Variants in ATP11C observed in about 807,000 individuals in gnomAD.
The protein encoded by ATP11C is phospholipid-transporting ATPase IG.
ATP11C carries 36 observed loss-of-function variants against 97.4 expected under a neutral mutation model. That is an observed-to-expected ratio of 0.37 (90% confidence interval 0.28 to 0.49). The LOEUF (loss-of-function observed/expected upper bound fraction) is 0.49, where lower values mean the gene tolerates loss of function less well. Among genes scored for constraint, ATP11C ranks in the 20% least tolerant of loss-of-function variants. ATP11C has a pLI of 0.98. For synonymous variants in ATP11C, 275 were observed against 290.9 expected (o/e 0.95, Z 0.56); for missense variants, 730 against 824.6 (o/e 0.89, Z 1.40).
intron 8 of ATP11C, 41 bp downstream of exon 8, chrX:139,800,019 C>A (rs751233056): frequency 1.7e-5 from 9 of 527,063 alleles, no homozygotes; most frequent in South Asian, 1.3e-4. Flanking sequence ...ATAGACCCCC[C>A]CCCCCAACCA....
chrX:139,854,377 A>C (rs2084055183), intron 1 of ATP11C, among the ~76,000 whole-genome samples: 1 of 112,426 alleles, frequency 8.9e-6, no homozygotes, highest in African/African-American at 3.2e-5. Flanking sequence ...CCTAACTTCT[A>C]ATCTTATGGC....
chrX:139,822,737 C>T lies in ATP11C; in HGVS notation c.148-3310G>A, dbSNP rs928976408. On this transcript the variant is annotated intron_variant, in intron 2 of 29. Transcript: ENST00000682941. ...CCAATTTTTGTATTTTTTGTAGATA[C>T]GGGGTCTCCCTTTGAACCATCTCCG... Among the ~76,000 whole-genome samples, 5 of 107,571 alleles carry T rather than the reference C, an allele frequency of 4.6e-5. No individual in the cohort carries two copies. In the South Asian group the frequency reaches 1.8e-3, roughly 38 times the overall value. 93.4% of individuals were successfully genotyped at this position (107,571 alleles called of 115,157 possible). A position where few individuals can be genotyped will look rare whatever the true frequency, so the allele number is the denominator to read the frequency against.
chrX:139,923,599 C>T (rs750897787), intron 1 of ATP11C, among the ~76,000 whole-genome samples: 1 of 112,181 alleles, frequency 8.9e-6, no homozygotes, highest in Non-Finnish European at 1.9e-5. Context: ...CTATAGATCC[C>T]TTAATCCTTA....
At chrX:139,846,458 T>A (rs1232487934) in intron 1 of ATP11C, among the ~76,000 whole-genome samples, 1 of 112,006 alleles carries the variant, frequency 8.9e-6, no homozygotes, top group African/African-American at 3.2e-5. Context: ...GTCCATAGCA[T>A]TAAGTATGCA....
chrX:139,792,809 A>G (rs147625192), intron 12 of ATP11C, among the ~76,000 whole-genome samples: 2 of 112,337 alleles, frequency 1.8e-5, no homozygotes, highest in Admixed American at 1.9e-4. Context: ...TCCCCTATAT[A>G]TCGTCCCACA....
At chrX:139,859,308 T>C in intron 1 of ATP11C, among the ~76,000 whole-genome samples, 1 of 111,563 alleles carries the variant, frequency 9.0e-6, no homozygotes, top group Middle Eastern at 4.6e-3. Flanking sequence ...AATAATTTAT[T>C]CCATATTTTC....
At chrX:139,882,362 G>C (rs2084574566) in intron 1 of ATP11C, among the ~76,000 whole-genome samples, 1 of 111,494 alleles carries the variant, frequency 9.0e-6, no homozygotes, top group South Asian at 3.8e-4. Flanking sequence ...TGGTAGCCAA[G>C]AAGAGGCCAA....
intron 1 of ATP11C, among the ~76,000 whole-genome samples, chrX:139,838,343 A>T (rs2083777862): frequency 9.0e-6 from 1 of 111,584 alleles, no homozygotes; most frequent in South Asian, 3.8e-4. Flanking sequence ...CCAAGGAATG[A>T]AATATTCACT....
At chrX:139,924,112 C>A (rs139318512) in intron 1 of ATP11C, 1 of 381,030 alleles carries the variant, frequency 2.6e-6, no homozygotes, top group Non-Finnish European at 5.3e-6. Flanking sequence ...AACAAAAGTC[C>A]AAAAGTCAGG....
At chrX:139,807,295 C>T (rs1228940168) in intron 5 of ATP11C, among the ~76,000 whole-genome samples, 1 of 111,026 alleles carries the variant, frequency 9.0e-6, no homozygotes, top group Non-Finnish European at 1.9e-5. Context: ...CTCTCCGGCA[C>T]ACCAGGCCCC....
intron 5 of ATP11C, among the ~76,000 whole-genome samples, chrX:139,804,956 C>A (rs1333321042): frequency 3.6e-5 from 4 of 111,841 alleles, no homozygotes; most frequent in Non-Finnish European, 5.6e-5. Context: ...ACAAACTGGG[C>A]ACTTCATGAA....
At chrX:139,851,078 A>G (rs917056305) in intron 1 of ATP11C, among the ~76,000 whole-genome samples, 11 of 111,664 alleles carry the variant, frequency 9.9e-5, no homozygotes, top group African/African-American at 3.3e-4. Context: ...AAGACAATGG[A>G]GGAAGACCCC....
rs191063837 is a variant in ATP11C at position 139,797,126 on chromosome X, T to C, written c.1008+50A>G. 2.6e-4 allele frequency: 300 copies of C among 1,145,873 alleles called. 1 individual carries two copies. In the African/African-American group the frequency reaches 4.0e-3, roughly 15 times the overall value. The allele number at this position is 1,145,873 out of a possible 1,213,427, so 94.4% of individuals were successfully genotyped here. On this transcript the variant is annotated intron_variant, in intron 11 of 29. Transcript: ENST00000682941. ...TCCCTGAGCAGCATTTCAGTGAAGGTTGGCTCAGTCACAAAAAATAGTTTC... is the reference window on the plus strand; with the variant it reads ...TCCCTGAGCAGCATTTCAGTGAAGGCTGGCTCAGTCACAAAAAATAGTTTC...
At chrX:139,734,773 G>A (rs752684374) in intron 28 of ATP11C, among the ~76,000 whole-genome samples, 1 of 110,943 alleles carries the variant, frequency 9.0e-6, no homozygotes, top group Admixed American at 9.6e-5. Context: ...CCTTAATAAC[G>A]GAACTTTGGG....
At chrX:139,736,359 T>C (rs1257237417) in intron 28 of ATP11C, among the ~76,000 whole-genome samples, 1 of 111,526 alleles carries the variant, frequency 9.0e-6, no homozygotes, top group East Asian at 2.8e-4. Flanking sequence ...CTTTAGACCA[T>C]GTAGCTGGGT....
At chrX:139,776,504 G>A (rs1349037510) in intron 18 of ATP11C, among the ~76,000 whole-genome samples, 1 of 111,783 alleles carries the variant, frequency 8.9e-6, no homozygotes, top group African/African-American at 3.3e-5. Flanking sequence ...TGAAGATTGT[G>A]AGCCCTACGA....
At chrX:139,872,469 G>A (rs1054458504) in intron 1 of ATP11C, among the ~76,000 whole-genome samples, 2 of 109,917 alleles carry the variant, frequency 1.8e-5, no homozygotes, top group Non-Finnish European at 3.8e-5. Context: ...CCCTTAACTC[G>A]TCATTTACAT....
At chrX:139,852,450 TGCGGGGGGGGGGGGGGGGGG>T (rs2084008397) in intron 1 of ATP11C, among the ~76,000 whole-genome samples, 1 of 1,068 alleles carries the variant, frequency 9.4e-4, no homozygotes, top group Non-Finnish European at 2.5e-3. Flanking sequence ...CTCTCAGCAA[TGCGGGGGGGGGGGGGGGGGG>T]GGGGGGGGGG....
chrX:139,898,422 G>A (rs186205708), intron 1 of ATP11C, among the ~76,000 whole-genome samples: 1 of 111,676 alleles, frequency 9.0e-6, no homozygotes, highest in Non-Finnish European at 1.9e-5. Flanking sequence ...TAGCAAGTGA[G>A]TTCTTACCAA....
Sources: allele counts gnomAD v4.1 joint callset (sites outside exome capture counted in the v4.1 genomes callset), GRCh38; gene constraint gnomAD v4.1.1; transcripts MANE v1.5; gene names NCBI Gene and HGNC (gene_info 2026-07-23, HGNC 2026-07-21).